KCNAB2: variants seen among roughly 807,000 people sequenced by gnomAD.
KCNAB2 encodes the protein potassium voltage-gated channel subfamily A regulatory beta subunit 2.
KCNAB2 carries 29 observed loss-of-function variants against 63.6 expected under a neutral mutation model. The observed-to-expected ratio is 0.46, with a 90% CI of 0.34 to 0.62. The LOEUF is 0.62. KCNAB2 is among the 20% of genes least tolerant of loss of function. KCNAB2 has a pLI of 0.01. For synonymous variants in KCNAB2, 222 were observed against 224.2 expected (o/e 0.99, Z 0.09); for missense variants, 359 against 563.9 (o/e 0.64, Z 3.68).
At chr1:6,057,485 G>A (rs1661938781) in intron 2 of KCNAB2, among the ~76,000 whole-genome samples, 1 of 152,078 alleles carries the variant, frequency 6.6e-6, no homozygotes, top group East Asian at 1.9e-4. Context: ...AGACCAGGGG[G>A]GATGGCAAGT....
chr1:6,033,323 T>C (rs1415309868), upstream of KCNAB2, among the ~76,000 whole-genome samples: 1 of 149,628 alleles, frequency 6.7e-6, no homozygotes, highest in Non-Finnish European at 1.5e-5. Context: ...GCATTGCATG[T>C]GTGCCTGTAT....
chr1:6,060,534 C>G (rs116266326), intron 2 of KCNAB2, among the ~76,000 whole-genome samples: 1 of 152,146 alleles, frequency 6.6e-6, no homozygotes, highest in Non-Finnish European at 1.5e-5. Flanking sequence ...CCGTTCAGCA[C>G]GGACAAGGCG....
intron 4 of KCNAB2, among the ~76,000 whole-genome samples, chr1:6,081,930 C>CCTGCT (rs1664246170): frequency 6.6e-6 from 1 of 152,194 alleles, no homozygotes; most frequent in Non-Finnish European, 1.5e-5. Flanking sequence ...TGATGGGGTC[C>CCTGCT]CTGCTCTCAA....
Position 6,024,430 on chromosome 1 carries a change from T to C in KCNAB2, c.-52-16087T>C, listed in dbSNP as rs1659021047. The stretch of plus-strand genomic sequence containing the variant: ...TATCTCTAATTTTGCCACTCAGCAT[T>C]TACCAGTCACCTGCCTTCCTGGTCC... On this transcript the variant is annotated intron_variant, in intron 1 of 16. Coordinates refer to the KCNAB2 transcript ENST00000341524. The surrounding 1 kb of genome is among the most constrained non-coding windows in gnomAD (Gnocchi z 5.4). Among the ~76,000 whole-genome samples the C allele has an allele frequency of 1.3e-5, 2 of 152,200 alleles. No homozygotes were observed. The highest frequency in any genetic ancestry group is 2.4e-5 in the African/African-American group (1 of 41,438).
Position 6,087,542 on chromosome 1 carries a change from C to T in KCNAB2, c.470+31C>T, listed in dbSNP as rs1315337552. ...TGCAACAGCTGGCGATGCTTCCAGC[C>T]CCGGCCCAGCAGCCACGGCCCCGTG... On this transcript the variant is annotated intron_variant, in intron 7 of 15. Coordinates refer to ENST00000378083, the MANE Select transcript of KCNAB2 (RefSeq NM_001199862.2). The surrounding 1 kb of genome is among the most constrained non-coding windows in gnomAD (Gnocchi z 6.4). The T allele has an allele frequency of 6.2e-7, 1 of 1,612,782 alleles. No homozygotes were observed. Among genetic ancestry groups the T allele is most frequent in the South Asian group, 1.1e-5 (1 of 91,048 alleles).
intron 1 of KCNAB2, among the ~76,000 whole-genome samples, chr1:6,050,056 GC>G (rs2100524522): frequency 6.6e-6 from 1 of 152,288 alleles, no homozygotes; most frequent in African/African-American, 2.4e-5. Flanking sequence ...CCCAGGAAAG[GC>G]CCAGCCTGGG....
rs201665803 is a variant in KCNAB2 at position 6,085,254 on chromosome 1, G to A, written c.425+6G>A. 333 of 1,613,692 alleles carry A rather than the reference G, an allele frequency of 2.1e-4. 4 individuals are homozygous for A. In the Middle Eastern group the frequency reaches 8.8e-3, roughly 43 times the overall value. ...ATTAAGAAGAAAGGATGGAGGTAAC[G>A]GCCCTGCTCTCTGCGGCCTGTCCCT... On this transcript the variant is annotated splice_donor_region_variant and intron_variant, in intron 6 of 15. Transcript: ENST00000378083.
At chr1:6,021,535 TG>T (rs1334920572) in intron 1 of KCNAB2, among the ~76,000 whole-genome samples, 6 of 152,238 alleles carry the variant, frequency 3.9e-5, no homozygotes, top group Non-Finnish European at 8.8e-5. Context: ...TGGTATTAAG[TG>T]TACAGTTCAG....
At chr1:6,054,491 G>A (rs1195569627) in intron 2 of KCNAB2, among the ~76,000 whole-genome samples, 5 of 152,142 alleles carry the variant, frequency 3.3e-5, no homozygotes, top group East Asian at 1.9e-4. Context: ...TTAACCAGTC[G>A]TGGTGGCGGG....
intron 1 of KCNAB2, among the ~76,000 whole-genome samples, chr1:5,998,121 G>A (rs1343120672): frequency 6.6e-6 from 1 of 152,282 alleles, no homozygotes; most frequent in Non-Finnish European, 1.5e-5. Flanking sequence ...GCTCTGCATG[G>A]GCAAGGTCAC....
At chr1:5,996,428 C>T (rs1656941320) in intron 1 of KCNAB2, among the ~76,000 whole-genome samples, 2 of 152,250 alleles carry the variant, frequency 1.3e-5, no homozygotes, top group African/African-American at 2.4e-5. Context: ...GCCACTGCCA[C>T]ACCCAGGTTT....
chr1:5,999,650 G>A (rs983987367), intron 1 of KCNAB2, among the ~76,000 whole-genome samples: 47 of 152,122 alleles, frequency 3.1e-4, no homozygotes, highest in African/African-American at 1.0e-3. Flanking sequence ...CAGGCCTCTT[G>A]GAATGTGGTT....
At chr1:6,095,465 G>GCGGCCC in intron 12 of KCNAB2, 22 bp downstream of exon 12, 1 of 1,586,170 alleles carries the variant, frequency 6.3e-7, no homozygotes, top group Non-Finnish European at 8.6e-7. Flanking sequence ...CGGGCCCCTC[G>GCGGCCC]CCCCGCCCCA....
At chr1:6,051,196 C>T (rs1376797349) in intron 1 of KCNAB2, among the ~76,000 whole-genome samples, 2 of 152,202 alleles carry the variant, frequency 1.3e-5, no homozygotes, top group Non-Finnish European at 2.9e-5. Flanking sequence ...TCTGTGCTCC[C>T]GTTTTCATTT....
At chr1:6,026,912 C>CT (rs1435520121) in intron 1 of KCNAB2, among the ~76,000 whole-genome samples, 1 of 152,220 alleles carries the variant, frequency 6.6e-6, no homozygotes, top group African/African-American at 2.4e-5. Flanking sequence ...ATTCCCATCT[C>CT]TGAGTGGAAG....
intron 1 of KCNAB2, among the ~76,000 whole-genome samples, chr1:6,048,106 G>C (rs1306144700): frequency 6.6e-6 from 1 of 152,140 alleles, no homozygotes; most frequent in African/African-American, 2.4e-5. Flanking sequence ...CCCAAACTCA[G>C]CCTTCCACCA....
At chr1:6,038,916 A>C (rs1361540095) in intron 1 of KCNAB2, among the ~76,000 whole-genome samples, 1 of 152,120 alleles carries the variant, frequency 6.6e-6, no homozygotes, top group Non-Finnish European at 1.5e-5. Flanking sequence ...TGGGTGTGGG[A>C]CCACGTGATT....
At chr1:6,001,609 A>G (rs1657266729) in intron 1 of KCNAB2, among the ~76,000 whole-genome samples, 1 of 152,170 alleles carries the variant, frequency 6.6e-6, no homozygotes, top group Admixed American at 6.5e-5. Flanking sequence ...TGTGAGCAGC[A>G]GGAGAGGTGG....
Position 6,090,369 on chromosome 1 carries a change from C to G in KCNAB2, c.515-20C>G, listed in dbSNP as rs768560792. ...GATGGAGCCACAGCAGTGACGCCCC[C>G]CCACCTGGTCCTCCCCCAGGTCTGA... is the stretch of plus-strand genomic sequence containing the variant. On this transcript the variant is annotated intron_variant, in intron 8 of 15. Coordinates refer to ENST00000378083, the MANE Select transcript of KCNAB2 (RefSeq NM_001199862.2). 6.4e-5 allele frequency: 102 copies of G among 1,593,088 alleles called. No homozygotes were observed. Among genetic ancestry groups the G allele is most frequent in the Non-Finnish European group, 8.6e-5 (100 of 1,161,696 alleles).
Sources: allele counts gnomAD v4.1 joint callset (sites outside exome capture counted in the v4.1 genomes callset), GRCh38; gene constraint gnomAD v4.1.1; non-coding constraint Gnocchi (gnomAD v3.1); transcripts MANE v1.5; gene names NCBI Gene and HGNC (gene_info 2026-07-23, HGNC 2026-07-21).